KAZN: variants seen among roughly 807,000 people sequenced by gnomAD.
The protein encoded by KAZN is kazrin, periplakin interacting protein.
In KAZN, 40 loss-of-function variants were observed where a neutral mutation model predicts 87.4. The ratio of observed to expected loss-of-function variants is 0.46; its 90% confidence interval spans 0.36 to 0.60. The LOEUF (loss-of-function observed/expected upper bound fraction) is 0.60. Among genes scored for constraint, KAZN ranks in the 20% least tolerant of loss-of-function variants. KAZN has a pLI of 0.00. For synonymous variants in KAZN, 466 were observed against 458.3 expected (o/e 1.02, Z -0.22); for missense variants, 898 against 1,073.9 (o/e 0.84, Z 2.29).
intron 1 of KAZN, among the ~76,000 whole-genome samples, chr1:14,089,282 C>G (rs1296621342): frequency 1.3e-5 from 2 of 152,028 alleles, no homozygotes; most frequent in Non-Finnish European, 2.9e-5. Context: ...TAGACCACTT[C>G]CATTTACTGT....
chr1:14,906,435 C>T (rs956943753), intron 1 of KAZN, among the ~76,000 whole-genome samples: 1 of 151,890 alleles, frequency 6.6e-6, no homozygotes, highest in Non-Finnish European at 1.5e-5. Context: ...GGGCATGGAA[C>T]AGGAGCTTGC....
At chr1:14,233,907 T>C (rs1648111883) in intron 2 of KAZN, among the ~76,000 whole-genome samples, 1 of 152,186 alleles carries the variant, frequency 6.6e-6, no homozygotes, top group South Asian at 2.1e-4. Flanking sequence ...CAACAGATGC[T>C]GGAGGGGATG....
chr1:14,389,871 T>C (rs1164944109), intron 2 of KAZN, among the ~76,000 whole-genome samples: 1 of 152,246 alleles, frequency 6.6e-6, no homozygotes, highest in Non-Finnish European at 1.5e-5. Context: ...ATTGAATTGT[T>C]TGTAACACAA....
chr1:14,537,224 A>G (rs1426182872), intron 2 of KAZN, among the ~76,000 whole-genome samples: 1 of 152,198 alleles, frequency 6.6e-6, no homozygotes, highest in Non-Finnish European at 1.5e-5. Flanking sequence ...TCCAAACATC[A>G]GGGAGCCATA....
chr1:14,321,757 T>G (rs1391874266), intron 2 of KAZN, among the ~76,000 whole-genome samples: 1 of 152,164 alleles, frequency 6.6e-6, no homozygotes, highest in African/African-American at 2.4e-5. Context: ...ATTAATCACA[T>G]AGCCCGAATT....
At chr1:14,861,238 T>C (rs1650809823) in intron 1 of KAZN, among the ~76,000 whole-genome samples, 1 of 152,088 alleles carries the variant, frequency 6.6e-6, no homozygotes, top group South Asian at 2.1e-4. Flanking sequence ...ATTAGCTGGG[T>C]ACGGTGACTC....
At chr1:13,942,030 C>G (rs1447117728) in intron 1 of KAZN, among the ~76,000 whole-genome samples, 1 of 152,092 alleles carries the variant, frequency 6.6e-6, no homozygotes, top group Admixed American at 6.5e-5. Flanking sequence ...TCTGGGCCAA[C>G]AAATATTGAA....
intron 1 of KAZN, among the ~76,000 whole-genome samples, chr1:14,137,246 C>T (rs1015484356): frequency 6.6e-6 from 1 of 152,216 alleles, no homozygotes; most frequent in Non-Finnish European, 1.5e-5. Context: ...GGTGCACACC[C>T]AGGGTTTGCC....
chr1:14,320,515 C>T (rs1655976646), intron 2 of KAZN, among the ~76,000 whole-genome samples: 1 of 152,074 alleles, frequency 6.6e-6, no homozygotes, highest in African/African-American at 2.4e-5. Flanking sequence ...ACCTGCAACC[C>T]CCCATTGCTC....
intron 4 of KAZN, among the ~76,000 whole-genome samples, chr1:15,049,466 C>T (rs10927660): frequency 0.061 from 9,274 of 152,248 alleles, 279 homozygotes; most frequent in Middle Eastern, 0.15. Flanking sequence ...CAGATGCCAG[C>T]AGCACCCCCT....
At chr1:14,182,283 G>A (rs1646214447) in intron 2 of KAZN, among the ~76,000 whole-genome samples, 1 of 152,118 alleles carries the variant, frequency 6.6e-6, no homozygotes, top group South Asian at 2.1e-4. Context: ...AAGGAAGGTG[G>A]GTTACATCTT....
At chr1:14,914,052 C>T (rs1572813315) in intron 1 of KAZN, among the ~76,000 whole-genome samples, 2 of 152,344 alleles carry the variant, frequency 1.3e-5, no homozygotes, top group South Asian at 4.1e-4. Flanking sequence ...GACCTAGCAG[C>T]CCTTCTGGGC....
chr1:14,888,984 A>G (rs993630463), intron 1 of KAZN, among the ~76,000 whole-genome samples: 1 of 152,222 alleles, frequency 6.6e-6, no homozygotes, highest in African/African-American at 2.4e-5. Flanking sequence ...CACATAAAAT[A>G]TACTAACAAT....
chr1:14,561,903 C>T lies in KAZN; in HGVS notation c.250-37080C>T, dbSNP rs1396830183. ...TTCATGAAAGAGCAAAACTCCATCT[C>T]AAAAAAAAAAAGAAGAAAAAAGTTT... On this transcript the variant is annotated intron_variant, in intron 2 of 16. Coordinates refer to the KAZN transcript ENST00000636203. Among the ~76,000 whole-genome samples, 9 of 143,098 alleles carry T rather than the reference C, an allele frequency of 6.3e-5. No individual in the cohort carries two copies. In the East Asian group the frequency reaches 1.8e-3, roughly 29 times the overall value. The allele number at this position is 143,098 out of a possible 152,430, so 93.9% of individuals were successfully genotyped here.
chr1:14,330,418 T>C (rs574043012), intron 2 of KAZN, among the ~76,000 whole-genome samples: 2 of 152,326 alleles, frequency 1.3e-5, no homozygotes, highest in East Asian at 3.9e-4. Context: ...GAATCCTAGC[T>C]GTGCCAGTGA....
At chr1:14,258,514 C>T (rs371159117) in intron 2 of KAZN, among the ~76,000 whole-genome samples, 2 of 151,668 alleles carry the variant, frequency 1.3e-5, no homozygotes, top group South Asian at 4.2e-4. Context: ...GGATTACAGG[C>T]GTGAGCCACT....
At chr1:14,033,793 T>C (rs1641427312) in intron 1 of KAZN, among the ~76,000 whole-genome samples, 1 of 152,188 alleles carries the variant, frequency 6.6e-6, no homozygotes, top group Admixed American at 6.5e-5. Flanking sequence ...GCAAGTGAAA[T>C]GGGAATCGAA....
intron 1 of KAZN, among the ~76,000 whole-genome samples, chr1:13,956,033 A>T (rs1641533532): frequency 6.6e-6 from 1 of 152,196 alleles, no homozygotes; most frequent in Non-Finnish European, 1.5e-5. Flanking sequence ...TGTAGTGAGG[A>T]TTCTGTAAAG....
intron 2 of KAZN, among the ~76,000 whole-genome samples, chr1:14,557,524 T>C (rs1673959771): frequency 6.6e-6 from 1 of 151,940 alleles, no homozygotes; most frequent in African/African-American, 2.4e-5. Context: ...AAATAATCGA[T>C]ATTTATAAAT....
Sources: gnomAD v4.1 joint callset for allele counts (sites outside exome capture counted in the v4.1 genomes callset) on GRCh38, gnomAD v4.1.1 for gene constraint, MANE v1.5 for transcripts, NCBI Gene and HGNC (gene_info 2026-07-23, HGNC 2026-07-21) for gene names.